EPS15L1: variants seen among roughly 807,000 people sequenced by gnomAD.
EPS15L1 encodes epidermal growth factor receptor substrate 15-like 1.
EPS15L1 carries 43 observed loss-of-function variants against 117.1 expected under a neutral mutation model. The observed-to-expected ratio is 0.37, with a 90% CI of 0.29 to 0.47. The LOEUF (loss-of-function observed/expected upper bound fraction) is 0.47. Among genes scored for constraint, EPS15L1 ranks in the 20% least tolerant of loss-of-function variants. The pLI, the probability that EPS15L1 is intolerant of heterozygous loss-of-function variation, is 0.99. For missense variants in EPS15L1, 981 were observed against 1,164.0 expected (o/e 0.84, Z 2.29); for synonymous variants, 459 against 470.5 (o/e 0.98, Z 0.32).
At chr19:16,366,235 G>A (rs1196282041) in intron 22 of EPS15L1, among the ~76,000 whole-genome samples, 1 of 152,082 alleles carries the variant, frequency 6.6e-6, no homozygotes, top group Non-Finnish European at 1.5e-5. Flanking sequence ...GTGATCACCT[G>A]AGGCAGATTT....
intron 1 of EPS15L1, among the ~76,000 whole-genome samples, chr19:16,455,971 C>T (rs868171323): frequency 6.6e-5 from 10 of 152,178 alleles, no homozygotes; most frequent in South Asian, 2.1e-4. Context: ...GAGACCAAGA[C>T]GGGTGGATCA....
In EPS15L1 at chr19:16,394,867, A is replaced by G. The variant is rs538873761; in HGVS notation, c.1915+477T>C. On this transcript the variant is annotated intron_variant, in intron 17 of 23. Transcript: ENST00000455140. The stretch of plus-strand genomic sequence containing the variant: ...GTGGGTCTTGTGGTGAGCTTGGAAC[A>G]CTTCCCACTGTATCTTGATGCCTTG... 2.0e-5 allele frequency among the ~76,000 whole-genome samples: 3 copies of G among 152,230 alleles called. No homozygotes were observed. In the East Asian group the frequency reaches 5.8e-4, roughly 29 times the overall value.
At chr19:16,359,055 G>A (rs903252657) in intron 23 of EPS15L1, among the ~76,000 whole-genome samples, 1 of 152,190 alleles carries the variant, frequency 6.6e-6, no homozygotes, top group African/African-American at 2.4e-5. Context: ...TTCTGGAGAG[G>A]CACCGCCGGG....
intron 1 of EPS15L1, among the ~76,000 whole-genome samples, chr19:16,444,327 A>G (rs1473868620): frequency 6.6e-6 from 1 of 152,222 alleles, no homozygotes; most frequent in Non-Finnish European, 1.5e-5. Flanking sequence ...AAGTGTGTAT[A>G]GCAACAGCAG....
At chr19:16,379,588 A>G (rs766445395) in intron 21 of EPS15L1, among the ~76,000 whole-genome samples, 7 of 152,244 alleles carry the variant, frequency 4.6e-5, no homozygotes, top group African/African-American at 7.2e-5. Context: ...ATCTAGTCAC[A>G]CCGATGCAGC....
chr19:16,457,699 G>T (rs2093210710), intron 1 of EPS15L1, among the ~76,000 whole-genome samples: 1 of 152,088 alleles, frequency 6.6e-6, no homozygotes, highest in Non-Finnish European at 1.5e-5. Flanking sequence ...AAGAGCAAAA[G>T]CAGATGAAGC....
In EPS15L1 at chr19:16,471,969, G is replaced by C; in HGVS notation, c.-24C>G. ...ATCTTCCCGCGGACTCGGGCTCCGA[G>C]CGCCGGGGGAACGGGGGCGGGGCTG... is the stretch of plus-strand genomic sequence containing the variant. On this transcript the variant is annotated 5_prime_UTR_variant, in exon 1 of 24. Coordinates refer to ENST00000455140, the MANE Select transcript of EPS15L1 (RefSeq NM_001258374.3). The surrounding 1 kb of genome is among the most constrained non-coding windows in gnomAD (Gnocchi z 4.8). 3 of 1,280,056 alleles carry C rather than the reference G, an allele frequency of 2.3e-6. No individual in the cohort carries two copies. The highest frequency in any genetic ancestry group is 3.0e-6 in the Non-Finnish European group (3 of 1,014,818). 79.3% of individuals were successfully genotyped at this position (1,280,056 alleles called of 1,614,324 possible).
intron 1 of EPS15L1, among the ~76,000 whole-genome samples, chr19:16,449,335 A>C (rs758750301): frequency 2.6e-5 from 4 of 152,232 alleles, no homozygotes; most frequent in Non-Finnish European, 5.9e-5. Context: ...AAGACATTTT[A>C]CCAAAGAGGA....
chr19:16,438,748 T>A lies in EPS15L1; in HGVS notation c.214-883A>T, dbSNP rs964685577. 3.3e-5 allele frequency among the ~76,000 whole-genome samples: 5 copies of A among 152,200 alleles called. No individual in the cohort carries two copies. The South Asian group carries it at 1.0e-3, about 31-fold the overall frequency. On this transcript the variant is annotated intron_variant, in intron 4 of 23. Coordinates refer to ENST00000455140, the MANE Select transcript of EPS15L1 (RefSeq NM_001258374.3). ...GATCTCACTATGTTGCCCAGGCTGG[T>A]CTCAAATTCCTGTCCTCCTGCCTTA...
intron 13 of EPS15L1, among the ~76,000 whole-genome samples, chr19:16,410,598 G>C (rs181324355): frequency 1.3e-5 from 2 of 152,184 alleles, no homozygotes; most frequent in African/African-American, 2.4e-5. Flanking sequence ...CTATCAATGA[G>C]GGATGGATGA....
intron 1 of EPS15L1, among the ~76,000 whole-genome samples, chr19:16,455,042 T>C (rs1172602118): frequency 2.0e-5 from 3 of 151,932 alleles, no homozygotes; most frequent in East Asian, 3.9e-4. Context: ...GGCAGGAGAA[T>C]TGCTTGAACT....
At chr19:16,358,668 C>T (rs1467561973) in intron 23 of EPS15L1, among the ~76,000 whole-genome samples, 1 of 152,230 alleles carries the variant, frequency 6.6e-6, no homozygotes, top group African/African-American at 2.4e-5. Flanking sequence ...GCACGCTGGG[C>T]GATGGGATGG....
intron 1 of EPS15L1, among the ~76,000 whole-genome samples, chr19:16,453,055 C>A (rs1200219750): frequency 1.3e-5 from 2 of 152,006 alleles, no homozygotes; most frequent in Non-Finnish European, 2.9e-5. Flanking sequence ...CCGCCTCGGT[C>A]TCCCAAAGTG....
rs576372452 is a variant in EPS15L1 at position 16,361,759 on chromosome 19, A to C, written c.2586+20T>G. The C allele has an allele frequency of 5.5e-5, 89 of 1,605,642 alleles. 1 individual carries two copies. The highest frequency in any genetic ancestry group is 5.0e-4 in the South Asian group (45 of 89,652). ...AGCGGAAGGGAGTGGGGTGGCCCGG[A>C]GGCGGAGGACTCAACTTACAGAGGT... On this transcript the variant is annotated intron_variant, in intron 23 of 23. Transcript: ENST00000455140.
chr19:16,428,643 C>A, intron 8 of EPS15L1, 59 bp downstream of exon 8: 1 of 1,268,856 alleles, frequency 7.9e-7, no homozygotes, highest in Non-Finnish European at 1.1e-6. Flanking sequence ...AATCCAGCAA[C>A]CCCTGCGCAC....
At chr19:16,401,647 G>C (rs199999394) in intron 16 of EPS15L1, 2 of 985,402 alleles carry the variant, frequency 2.0e-6, no homozygotes, top group East Asian at 1.1e-4. Flanking sequence ...GACCACCTAA[G>C]GAAAAGGTCA....
intron 1 of EPS15L1, among the ~76,000 whole-genome samples, chr19:16,465,036 A>G (rs534592663): frequency 6.6e-6 from 1 of 151,636 alleles, no homozygotes; most frequent in South Asian, 2.1e-4. Context: ...CCGAAATTGC[A>G]CCACTGCACT....
Position 16,395,331 on chromosome 19 carries a change from G to GC in EPS15L1, c.1915+12dup. 6.2e-7 allele frequency: 1 copy of GC among 1,609,616 alleles called. No homozygotes were observed. The highest frequency in any genetic ancestry group is 8.5e-7 in the Non-Finnish European group (1 of 1,177,980). On this transcript the variant is annotated intron_variant, in intron 17 of 23. Coordinates refer to ENST00000455140, the MANE Select transcript of EPS15L1 (RefSeq NM_001258374.3). The stretch of plus-strand genomic sequence containing the variant: ...CAGTCTTTCAATGAGAAAGTGGGTA[G>GC]CAAGTGAGATACCTTTGAAGGGGTC...
chr19:16,424,039 T>G (rs566711730), intron 9 of EPS15L1, among the ~76,000 whole-genome samples: 1 of 152,334 alleles, frequency 6.6e-6, no homozygotes, highest in South Asian at 2.1e-4. Context: ...GGGGCAGCCT[T>G]GCCGTGGAGC....
Sources: gnomAD v4.1 joint callset for allele counts (sites outside exome capture counted in the v4.1 genomes callset) on GRCh38, gnomAD v4.1.1 for gene constraint, Gnocchi (gnomAD v3.1) non-coding constraint, MANE v1.5 for transcripts, NCBI Gene and HGNC (gene_info 2026-07-23, HGNC 2026-07-21) for gene names.